The following ZFHX4 variants were observed in gnomAD, a reference collection of about 807,000 sequenced individuals.
The protein encoded by ZFHX4 is zinc finger homeobox 4.
Under a neutral mutation model 267.6 loss-of-function variants are expected in ZFHX4, and 56 were observed. The ratio of observed to expected loss-of-function variants is 0.21; its 90% CI spans 0.17 to 0.26. The LOEUF (loss-of-function observed/expected upper bound fraction) is 0.26. Ranked by LOEUF, ZFHX4 falls within the 10% of genes least tolerant of loss-of-function variation. The probability of loss-of-function intolerance (pLI) is 1.00; values close to 1 mark genes in which losing one functional copy is unlikely to be tolerated. For missense variants in ZFHX4, 4,332 were observed against 4,420.0 expected (o/e 0.98, Z 0.56); for synonymous variants, 1,778 against 1,665.6 (o/e 1.07, Z -1.64).
intron 3 of ZFHX4, among the ~76,000 whole-genome samples, chr8:76,739,677 G>A (rs368195617): frequency 1.3e-5 from 2 of 152,068 alleles, no homozygotes; most frequent in East Asian, 3.9e-4. Context: ...TATAATGAAA[G>A]CATGAATAAT....
chr8:76,863,765 A>G lies in ZFHX4; in HGVS notation c.10051A>G (p.Lys3351Glu). 1 of 1,552,456 alleles carries G rather than the reference A, an allele frequency of 6.4e-7. No homozygotes were observed. The highest frequency in any genetic ancestry group is 1.4e-5 in the African/African-American group (1 of 73,196). The change falls in exon 11 of 11, where the codon AAA becomes GAA. Residue 3351 changes from lysine to glutamate, a missense_variant. By Grantham distance (56) the Lys-to-Glu change is moderately conservative. Transcript: ENST00000651372. ...QQKPVQAKTSKVESDQPQNSN... is the reference protein window; with the variant it reads ...QQKPVQAKTSEVESDQPQNSN... The stretch of plus-strand genomic sequence containing the variant: ...GAAACCAGTTCAGGCAAAGACATCC[A>G]AAGTAGAAAGTGACCAGCCGCAAAA...
intron 3 of ZFHX4, among the ~76,000 whole-genome samples, chr8:76,715,653 A>G (rs1563480383): frequency 6.6e-6 from 1 of 152,230 alleles, no homozygotes; most frequent in Non-Finnish European, 1.5e-5. Flanking sequence ...CATTATTGTA[A>G]TGACCAGTTA....
At chr8:76,751,854 G>C (rs1049387584) in intron 3 of ZFHX4, among the ~76,000 whole-genome samples, 1 of 152,178 alleles carries the variant, frequency 6.6e-6, no homozygotes, top group African/African-American at 2.4e-5. Context: ...TTCACCAAGA[G>C]TGGTGGTTCC....
chr8:76,863,371 G>A lies in ZFHX4; in HGVS notation c.9657G>A (p.Glu3219=), dbSNP rs1812927850. Residue 3219 remains glutamate (E), a synonymous_variant, in exon 11 of 11, where the codon GAG becomes GAA. Transcript: ENST00000651372. ...AACCCGAAAAACACCCCAAAAAAGA[G>A]GAAAAAATCTCATCTGCTCTTTCAG... ...ATKPEKHPKK[E]EKISSALSVL... is the part of the protein sequence containing the mutation. 2 of 1,613,868 alleles carry A rather than the reference G, an allele frequency of 1.2e-6. No individual in the cohort carries two copies. Among genetic ancestry groups the A allele is most frequent in the African/African-American group, 2.7e-5 (2 of 75,008 alleles).
At position 76,852,500 on chromosome 8, in the gene ZFHX4, A is replaced by G. The variant is rs975204171; in HGVS notation, c.5579A>G (p.Asp1860Gly). The change falls in exon 10 of 11, where the codon GAT becomes GGT. Residue 1860 changes from aspartate to glycine, a missense_variant. Asp to Gly is a moderately conservative substitution (Grantham distance 94). Transcript: ENST00000651372. The part of the protein sequence containing the change: ...KDVPSYKEAE[D>G]ISEKPEKPKQ... ...GTGCCATCTTATAAGGAGGCAGAAG[A>G]TATTTCTGAAAAGCCAGAAAAACCA... The G allele has an allele frequency of 1.2e-6, 2 of 1,601,374 alleles. No homozygotes were observed. Among genetic ancestry groups the G allele is most frequent in the Admixed American group, 1.7e-5 (1 of 57,914 alleles).
chr8:76,690,920 A>C (rs1189029286), intron 1 of ZFHX4, among the ~76,000 whole-genome samples: 1 of 152,042 alleles, frequency 6.6e-6, no homozygotes, highest in Non-Finnish European at 1.5e-5. Context: ...AGAAATTACC[A>C]AAATGCCAGA....
At chr8:76,769,625 C>T (rs1040782516) in intron 3 of ZFHX4, among the ~76,000 whole-genome samples, 3 of 152,090 alleles carry the variant, frequency 2.0e-5, no homozygotes, top group African/African-American at 7.2e-5. Context: ...GTGCTAGGAT[C>T]ATAGGCGTGA....
In ZFHX4 at chr8:76,706,491, C is replaced by A; in HGVS notation, c.2403C>A (p.Asn801Lys). The A allele has an allele frequency of 6.2e-7, 1 of 1,613,912 alleles. No individual in the cohort carries two copies. The highest frequency in any genetic ancestry group is 8.5e-7 in the Non-Finnish European group (1 of 1,179,882). The change falls in exon 2 of 11, where the codon AAC (asparagine) becomes AAA (lysine). Residue 801 changes from asparagine (N) to lysine (K), a missense_variant. Coordinates refer to ENST00000651372, the MANE Select transcript of ZFHX4 (RefSeq NM_024721.5). The stretch of plus-strand genomic sequence containing the variant: ...ATAATATGATGCTTTTGCAGCAGAA[C>A]ATGAAGCAGATCCAGCATAATCTGC... ...HMHNMMLLQQ[N>K]MKQIQHNLHL...
intron 1 of ZFHX4, among the ~76,000 whole-genome samples, chr8:76,691,127 T>C (rs1201770456): frequency 6.6e-6 from 1 of 152,064 alleles, no homozygotes; most frequent in East Asian, 1.9e-4. Flanking sequence ...AATGAATGAA[T>C]ATGAAGGTTG....
chr8:76,732,752 A>AT (rs1809054881), intron 3 of ZFHX4, among the ~76,000 whole-genome samples: 1 of 152,224 alleles, frequency 6.6e-6, no homozygotes. Context: ...TTTTCCCTCA[A>AT]TAGCATACCT....
intron 6 of ZFHX4, among the ~76,000 whole-genome samples, chr8:76,845,031 A>ACTAT (rs889420703): frequency 6.6e-6 from 1 of 152,102 alleles, no homozygotes; most frequent in African/African-American, 2.4e-5. Flanking sequence ...CAAATTCATC[A>ACTAT]CTATCTTCAT....
chr8:76,815,913 C>T (rs918342511), intron 4 of ZFHX4, among the ~76,000 whole-genome samples: 1 of 152,220 alleles, frequency 6.6e-6, no homozygotes, highest in Admixed American at 6.5e-5. Flanking sequence ...ACATTCAAAC[C>T]ATAGCACTCA....
At chr8:76,688,106 T>C (rs1280137110) in intron 1 of ZFHX4, among the ~76,000 whole-genome samples, 1 of 152,172 alleles carries the variant, frequency 6.6e-6, no homozygotes, top group African/African-American at 2.4e-5. Context: ...AACAGAGGTT[T>C]GTATATAGAA....
chr8:76,803,420 A>C (rs573984608), intron 4 of ZFHX4, among the ~76,000 whole-genome samples: 2 of 152,272 alleles, frequency 1.3e-5, no homozygotes, highest in South Asian at 4.1e-4. Context: ...TATATAATTA[A>C]GAAAAGTAAC....
intron 4 of ZFHX4, among the ~76,000 whole-genome samples, chr8:76,804,429 A>T (rs796862286): frequency 6.6e-6 from 1 of 152,160 alleles, no homozygotes; most frequent in Non-Finnish European, 1.5e-5. Flanking sequence ...TAAACTGTTA[A>T]GGAATCAAAG....
intron 4 of ZFHX4, among the ~76,000 whole-genome samples, chr8:76,823,013 C>G (rs1301535621): frequency 6.6e-6 from 1 of 152,048 alleles, no homozygotes; most frequent in Admixed American, 6.5e-5. Context: ...TTTCTCTTGA[C>G]CTAATCTTGG....
At chr8:76,826,881 C>A (rs1051610727) in intron 4 of ZFHX4, among the ~76,000 whole-genome samples, 2 of 152,198 alleles carry the variant, frequency 1.3e-5, no homozygotes, top group Non-Finnish European at 2.9e-5. Context: ...AAAATAAAAG[C>A]TGGTTTTGAG....
chr8:76,771,529 C>T (rs1000171184), intron 3 of ZFHX4, among the ~76,000 whole-genome samples: 8 of 152,116 alleles, frequency 5.3e-5, no homozygotes, highest in African/African-American at 1.9e-4. Context: ...GCCTCCAACT[C>T]TTGGACTCAA....
intron 3 of ZFHX4, among the ~76,000 whole-genome samples, chr8:76,750,559 C>T (rs1809586848): frequency 1.3e-5 from 2 of 151,986 alleles, no homozygotes; most frequent in Non-Finnish European, 2.9e-5. Context: ...GAAAGAAATC[C>T]AACTGCTAGC....
Sources: gnomAD v4.1 joint callset for allele counts (sites outside exome capture counted in the v4.1 genomes callset) on GRCh38, gnomAD v4.1.1 for gene constraint, MANE v1.5 for transcripts, NCBI Gene and HGNC (gene_info 2026-07-23, HGNC 2026-07-21) for gene names.